Variants in PRORP observed in about 807,000 individuals in gnomAD.
The protein encoded by PRORP is protein only RNase P catalytic subunit, also known as mitochondrial ribonuclease P catalytic subunit.
Under a neutral mutation model 59.4 loss-of-function variants are expected in PRORP, and 51 were observed. The observed-to-expected ratio is 0.86, with a 90% confidence interval of 0.69 to 1.08. The LOEUF (loss-of-function observed/expected upper bound fraction) is 1.08, where lower values mean the gene tolerates loss of function less well. Among genes scored for constraint, PRORP ranks in the 50% least tolerant of loss-of-function variants. The pLI, the probability that PRORP is intolerant of heterozygous loss-of-function variation, is 0.00. For synonymous variants in PRORP, 231 were observed against 245.6 expected (o/e 0.94, Z 0.55); for missense variants, 646 against 690.3 (o/e 0.94, Z 0.72).
chr14:35,164,763 TAAATA>T (rs972512871), intron 4 of PRORP, among the ~76,000 whole-genome samples: 2 of 151,974 alleles, frequency 1.3e-5, no homozygotes, highest in African/African-American at 4.8e-5. Context: ...AATACTGAAA[TAAATA>T]AAAATAAGGA....
At chr14:35,191,718 A>G (rs2048888409) in intron 5 of PRORP, among the ~76,000 whole-genome samples, 1 of 152,040 alleles carries the variant, frequency 6.6e-6, no homozygotes, top group African/African-American at 2.4e-5. Flanking sequence ...CCAAACCAAA[A>G]CAAACAAACA....
chr14:35,136,444 T>C (rs1339015757), intron 4 of PRORP, among the ~76,000 whole-genome samples: 1 of 140,526 alleles, frequency 7.1e-6, no homozygotes, highest in African/African-American at 2.5e-5. Context: ...GCGCAATCTC[T>C]GCTTACCGCA....
intron 5 of PRORP, among the ~76,000 whole-genome samples, chr14:35,191,573 T>TTA (rs1194727393): frequency 6.6e-6 from 1 of 151,988 alleles, no homozygotes; most frequent in East Asian, 1.9e-4. Flanking sequence ...TGTGATGGCA[T>TTA]GCACCTGTGG....
At chr14:35,245,824 G>A (rs558512503) in intron 5 of PRORP, among the ~76,000 whole-genome samples, 1 of 152,196 alleles carries the variant, frequency 6.6e-6, no homozygotes, top group South Asian at 2.1e-4. Flanking sequence ...TCCTGTATTG[G>A]AACTCCAATT....
intron 4 of PRORP, among the ~76,000 whole-genome samples, chr14:35,150,209 T>C (rs1021198794): frequency 2.0e-5 from 3 of 152,196 alleles, no homozygotes; most frequent in African/African-American, 7.2e-5. Flanking sequence ...TGATTTAAAG[T>C]GTAAGACCGG....
At chr14:35,184,987 T>A (rs1049857238) in intron 5 of PRORP, among the ~76,000 whole-genome samples, 2 of 152,184 alleles carry the variant, frequency 1.3e-5, no homozygotes, top group African/African-American at 2.4e-5. Context: ...TGAACATTCA[T>A]TTGCATGTGT....
chr14:35,142,836 A>T lies in PRORP; in HGVS notation c.1167+15225A>T, dbSNP rs527265546. The stretch of plus-strand genomic sequence containing the variant: ...CCAGCAGCCTAGGTGACAGAGTGAG[A>T]CTCTTGTCTCAAAAAAAAAAAAATT... On this transcript the variant is annotated intron_variant, in intron 4 of 7. Transcript: ENST00000534898. Among the ~76,000 whole-genome samples the T allele has an allele frequency of 2.5e-4, 34 of 136,758 alleles. 1 individual carries two copies. Among genetic ancestry groups the T allele is most frequent in the African/African-American group, 8.5e-4 (34 of 39,966 alleles). The allele number at this position is 136,758 out of a possible 152,430, so 89.7% of individuals were successfully genotyped here.
intron 5 of PRORP, among the ~76,000 whole-genome samples, chr14:35,181,072 T>A (rs2048594007): frequency 1.3e-5 from 2 of 152,252 alleles, no homozygotes; most frequent in Non-Finnish European, 2.9e-5. Flanking sequence ...CCTGGGTCTC[T>A]GCTTTCTCTT....
intron 3 of PRORP, 35 bp downstream of exon 3, chr14:35,126,817 T>A (rs1386157425): frequency 6.5e-7 from 1 of 1,546,102 alleles, no homozygotes; most frequent in Non-Finnish European, 8.9e-7. Context: ...CTTGTTTGAT[T>A]TTGGTTTAGT....
rs1309703534 is a variant in PRORP at position 35,143,711 on chromosome 14, G to A, written c.1167+16100G>A. 2.1e-5 allele frequency among the ~76,000 whole-genome samples: 3 copies of A among 144,874 alleles called. No homozygotes were observed. The South Asian group carries it at 6.7e-4, about 33-fold the overall frequency. The stretch of plus-strand genomic sequence containing the variant: ...TGCCTAGGCTGGAGTGCAATGGCGC[G>A]ATCTCGGCTCACCGCAACCTCCGCC... On this transcript the variant is annotated intron_variant, in intron 4 of 7. Coordinates refer to ENST00000534898, the MANE Select transcript of PRORP (RefSeq NM_014672.4).
chr14:35,172,928 C>T (rs186997338), intron 4 of PRORP, among the ~76,000 whole-genome samples: 462 of 151,016 alleles, frequency 3.1e-3, no homozygotes, highest in Non-Finnish European at 4.9e-3. Context: ...AGTGCAGTGG[C>T]GTGATCTTGG....
At chr14:35,194,615 TG>T (rs1047083334) in intron 5 of PRORP, among the ~76,000 whole-genome samples, 2 of 152,166 alleles carry the variant, frequency 1.3e-5, no homozygotes, top group African/African-American at 4.8e-5. Context: ...CAAACCACCA[TG>T]GCACATGTAT....
chr14:35,244,934 A>G (rs2050449457), intron 5 of PRORP, among the ~76,000 whole-genome samples: 1 of 152,052 alleles, frequency 6.6e-6, no homozygotes, highest in African/African-American at 2.4e-5. Flanking sequence ...GGAAGGGGCA[A>G]GATTGTCACT....
At chr14:35,126,635 T>C (rs2047105454) in intron 2 of PRORP, 100 bp from the exon 3 acceptor site, 2 of 862,752 alleles carry the variant, frequency 2.3e-6, no homozygotes, top group Non-Finnish European at 3.6e-6. Context: ...CTTGAACTTT[T>C]CGGACTTCTT....
intron 4 of PRORP, among the ~76,000 whole-genome samples, chr14:35,159,710 A>G (rs1372541083): frequency 1.3e-5 from 2 of 152,198 alleles, no homozygotes; most frequent in Non-Finnish European, 1.5e-5. Context: ...AATCTTTACA[A>G]TAACTTTGAG....
At chr14:35,247,396 A>G (rs1286595818) in intron 5 of PRORP, among the ~76,000 whole-genome samples, 1 of 152,070 alleles carries the variant, frequency 6.6e-6, no homozygotes, top group Non-Finnish European at 1.5e-5. Flanking sequence ...TATTTTATAT[A>G]TTTCGAACAG....
intron 5 of PRORP, among the ~76,000 whole-genome samples, chr14:35,220,449 A>C (rs1017873726): frequency 3.3e-5 from 5 of 152,192 alleles, no homozygotes; most frequent in African/African-American, 4.8e-5. Flanking sequence ...GGAGAATAAC[A>C]CATGCACTGC....
chr14:35,157,168 G>C (rs113351290), intron 4 of PRORP, among the ~76,000 whole-genome samples: 385 of 152,072 alleles, frequency 2.5e-3, no homozygotes, highest in Admixed American at 5.8e-3. Context: ...TGTTAGCCAG[G>C]ATAGTCTCAA....
chr14:35,159,258 C>T (rs939877611), intron 4 of PRORP, among the ~76,000 whole-genome samples: 4 of 152,214 alleles, frequency 2.6e-5, no homozygotes, highest in South Asian at 2.1e-4. Flanking sequence ...CAGACACGTG[C>T]GTCAGCCAGT....
Sources: gnomAD v4.1 joint callset for allele counts (sites outside exome capture counted in the v4.1 genomes callset) on GRCh38, gnomAD v4.1.1 for gene constraint, MANE v1.5 for transcripts, NCBI Gene and HGNC (gene_info 2026-07-23, HGNC 2026-07-21) for gene names.